Variants in LHFPL3 observed in about 807,000 individuals in gnomAD.
The protein encoded by LHFPL3 is LHFPL tetraspan subfamily member 3 protein.
A neutral mutation model predicts 19.3 loss-of-function variants in LHFPL3; 5 were observed. The observed-to-expected ratio is 0.26, with a 90% CI of 0.14 to 0.54. The LOEUF (loss-of-function observed/expected upper bound fraction) is 0.54. Among genes scored for constraint, LHFPL3 ranks in the 20% least tolerant of loss-of-function variants. The pLI is 0.94. For synonymous variants in LHFPL3, 133 were observed against 126.2 expected, an observed-to-expected ratio of 1.05 and a Z score of -0.36; for missense variants, 249 against 307.4, an observed-to-expected ratio of 0.81 and a Z score of 1.42.
At chr7:104,389,507 A>T (rs76047540) in intron 1 of LHFPL3, among the ~76,000 whole-genome samples, 9,565 of 152,198 alleles carry the variant, frequency 0.063, 493 homozygotes, top group East Asian at 0.22. Flanking sequence ...GTGGAAATCA[A>T]CAAGTTGATT....
At position 104,818,352 on chromosome 7, in the gene LHFPL3, G is replaced by A. The variant is rs1421737123; in HGVS notation, c.682+81441G>A. Among the ~76,000 whole-genome samples the A allele has an allele frequency of 3.3e-5, 5 of 149,818 alleles. No homozygotes were observed. The Admixed American group carries it at 3.3e-4, about 10-fold the overall frequency. ...AATTCTTTGCCCACCTAAGGCAACT[G>A]ACTTTAAGGCAACTGGCTTGGGCAC... On this transcript the variant is annotated intron_variant, in intron 2 of 2. Coordinates refer to ENST00000424859, the MANE Select transcript of LHFPL3 (RefSeq NM_199000.3).
chr7:104,727,563 C>T (rs1313645792), intron 1 of LHFPL3, among the ~76,000 whole-genome samples: 1 of 151,964 alleles, frequency 6.6e-6, no homozygotes, highest in East Asian at 1.9e-4. Flanking sequence ...AAAAAGTAAC[C>T]CGGACCCTAA....
intron 1 of LHFPL3, among the ~76,000 whole-genome samples, chr7:104,400,650 A>G (rs1245746912): frequency 6.6e-6 from 1 of 152,172 alleles, no homozygotes; most frequent in African/African-American, 2.4e-5. Context: ...ATTTGACCCC[A>G]AAGACAAAAT....
chr7:104,807,396 C>A lies in LHFPL3; in HGVS notation c.682+70485C>A, dbSNP rs924489056. ...CTGCCGACACCTCGATCCTGGACTT[C>A]TAGTCTGCAGAACTGTTAGACGATA... On this transcript the variant is annotated intron_variant, in intron 2 of 2. Coordinates refer to ENST00000424859, the MANE Select transcript of LHFPL3 (RefSeq NM_199000.3). Among the ~76,000 whole-genome samples, 4 of 152,178 alleles carry A rather than the reference C, an allele frequency of 2.6e-5. No homozygotes were observed. In the East Asian group the frequency reaches 7.7e-4, roughly 29 times the overall value.
At chr7:104,676,608 T>C (rs1419153040) in intron 1 of LHFPL3, among the ~76,000 whole-genome samples, 1 of 152,254 alleles carries the variant, frequency 6.6e-6, no homozygotes, top group Non-Finnish European at 1.5e-5. Flanking sequence ...ACAAGCATAT[T>C]GGACGATGCA....
At chr7:104,835,478 C>T (rs1791072883) in intron 2 of LHFPL3, among the ~76,000 whole-genome samples, 1 of 151,834 alleles carries the variant, frequency 6.6e-6, no homozygotes, top group Non-Finnish European at 1.5e-5. Flanking sequence ...TTCATCTATT[C>T]ATTTCACTCA....
At chr7:104,540,492 CA>C (rs1404025131) in intron 1 of LHFPL3, among the ~76,000 whole-genome samples, 1 of 152,054 alleles carries the variant, frequency 6.6e-6, no homozygotes, top group Non-Finnish European at 1.5e-5. Flanking sequence ...TATCTGGCCC[CA>C]AATGTCAATA....
At chr7:104,383,190 T>C (rs1790863486) in intron 1 of LHFPL3, among the ~76,000 whole-genome samples, 1 of 152,226 alleles carries the variant, frequency 6.6e-6, no homozygotes, top group Non-Finnish European at 1.5e-5. Context: ...TCCCCCATCT[T>C]TCCTCCTATG....
At chr7:104,854,680 T>A (rs1791470305) in intron 2 of LHFPL3, among the ~76,000 whole-genome samples, 1 of 152,188 alleles carries the variant, frequency 6.6e-6, no homozygotes, top group African/African-American at 2.4e-5. Flanking sequence ...GTCTAGCACC[T>A]CAAATGACAA....
At chr7:104,557,844 ACAGTCCCCAGAGTGTGATATTCCCCTTCC>A (rs1260005979) in intron 1 of LHFPL3, among the ~76,000 whole-genome samples, 1 of 118,442 alleles carries the variant, frequency 8.4e-6, no homozygotes, top group African/African-American at 3.2e-5. Flanking sequence ...CCACCCCACC[ACAGTCCCCAGAGTGTGATATTCCCCTTCC>A]TGTGTCCATG....
chr7:104,549,530 C>T (rs1353436129), intron 1 of LHFPL3, among the ~76,000 whole-genome samples: 1 of 151,742 alleles, frequency 6.6e-6, no homozygotes, highest in African/African-American at 2.4e-5. Context: ...TGCACTTCCT[C>T]TACCCAAATA....
Position 104,329,025 on chromosome 7 carries a change from C to G in LHFPL3, c.246C>G (p.Asn82Lys). The G allele has an allele frequency of 1.2e-6, 2 of 1,614,072 alleles. No individual in the cohort carries two copies. The highest frequency in any genetic ancestry group is 1.7e-6 in the Non-Finnish European group (2 of 1,179,914). Residue 82 changes from asparagine (N) to lysine (K), a missense_variant, in exon 1 of 3, where the codon AAC (asparagine) becomes AAG (lysine). By Grantham distance (94) the Asn-to-Lys change is moderately conservative. Transcript: ENST00000424859. The stretch of plus-strand genomic sequence containing the variant: ...GGCTCTTCCACTACTGCATCGGCAA[C>G]GGCTTCTCCCGGGAGCTGACCTGCA... ...YFGLFHYCIG[N>K]GFSRELTCRG...
chr7:104,583,438 A>T (rs546608474), intron 1 of LHFPL3, among the ~76,000 whole-genome samples: 1 of 152,348 alleles, frequency 6.6e-6, no homozygotes, highest in South Asian at 2.1e-4. Context: ...AGCAATCGCA[A>T]CAAAAGCCAA....
At chr7:104,365,426 C>T (rs1282318509) in intron 1 of LHFPL3, among the ~76,000 whole-genome samples, 1 of 149,734 alleles carries the variant, frequency 6.7e-6, no homozygotes, top group African/African-American at 2.5e-5. Context: ...AGTGGAGATC[C>T]TGTGATTGTT....
chr7:104,571,207 C>T (rs1258288384), intron 1 of LHFPL3, among the ~76,000 whole-genome samples: 1 of 152,150 alleles, frequency 6.6e-6, no homozygotes, highest in African/African-American at 2.4e-5. Flanking sequence ...CTCATTTTTA[C>T]ATGATGCCCT....
At chr7:104,482,369 G>T (rs1793154269) in intron 1 of LHFPL3, among the ~76,000 whole-genome samples, 1 of 152,154 alleles carries the variant, frequency 6.6e-6, no homozygotes, top group Non-Finnish European at 1.5e-5. Context: ...AAGCCCTCTT[G>T]TGGGGTCAGA....
chr7:104,842,882 T>C, intron 2 of LHFPL3, among the ~76,000 whole-genome samples: 1 of 152,384 alleles, frequency 6.6e-6, no homozygotes, highest in East Asian at 1.9e-4. Context: ...TTTGCCTGTT[T>C]GCACTTTTGC....
intron 1 of LHFPL3, among the ~76,000 whole-genome samples, chr7:104,525,521 T>A (rs934544982): frequency 6.6e-6 from 1 of 152,100 alleles, no homozygotes; most frequent in Non-Finnish European, 1.5e-5. Context: ...AAAGAAGAGC[T>A]CAAGGAATTA....
intron 1 of LHFPL3, among the ~76,000 whole-genome samples, chr7:104,595,181 C>G (rs923971717): frequency 1.3e-5 from 2 of 152,332 alleles, no homozygotes; most frequent in South Asian, 4.1e-4. Context: ...GTGGTTATAT[C>G]TACCTTTGGT....
Sources: gnomAD v4.1 joint callset for allele counts (sites outside exome capture counted in the v4.1 genomes callset) on GRCh38, gnomAD v4.1.1 for gene constraint, MANE v1.5 for transcripts, NCBI Gene and HGNC (gene_info 2026-07-23, HGNC 2026-07-21) for gene names.